Variants in CNTNAP2 observed in about 807,000 individuals in gnomAD.
CNTNAP2 encodes the protein contactin associated protein 2, also known as contactin-associated protein-like 2.
Under a neutral mutation model 155.2 loss-of-function variants are expected in CNTNAP2, and 98 were observed. The observed-to-expected ratio is 0.63, with a 90% confidence interval of 0.54 to 0.75. The LOEUF (loss-of-function observed/expected upper bound fraction) is 0.75. Among genes scored for constraint, CNTNAP2 ranks in the 30% least tolerant of loss-of-function variants. The pLI is 0.00. For synonymous variants in CNTNAP2, 651 were observed against 631.2 expected, an observed-to-expected ratio of 1.03 and a Z score of -0.47; for missense variants, 1,727 against 1,688.1, an observed-to-expected ratio of 1.02 and a Z score of -0.40.
intron 4 of CNTNAP2, among the ~76,000 whole-genome samples, chr7:147,096,195 C>T (rs1800528543): frequency 6.6e-6 from 1 of 152,176 alleles, no homozygotes; most frequent in Middle Eastern, 3.2e-3. Context: ...TATTTGACAG[C>T]TTAAAGAACT....
chr7:147,574,685 T>C (rs1800355010), intron 12 of CNTNAP2, among the ~76,000 whole-genome samples: 1 of 152,100 alleles, frequency 6.6e-6, no homozygotes, highest in Non-Finnish European at 1.5e-5. Flanking sequence ...TTGGAACCAT[T>C]TGGGGAAAGA....
intron 3 of CNTNAP2, among the ~76,000 whole-genome samples, chr7:146,861,633 A>T (rs1795103194): frequency 6.6e-6 from 1 of 152,106 alleles, no homozygotes; most frequent in African/African-American, 2.4e-5. Context: ...CTCCTAATTT[A>T]AAAACTATCA....
chr7:148,154,077 C>A (rs556392840), intron 17 of CNTNAP2, among the ~76,000 whole-genome samples: 2 of 152,214 alleles, frequency 1.3e-5, no homozygotes, highest in Non-Finnish European at 2.9e-5. Context: ...TTGGCTCTGG[C>A]CTCTTCTGAT....
chr7:148,217,546 C>T, intron 19 of CNTNAP2, 22 bp downstream of exon 19: 1 of 1,607,560 alleles, frequency 6.2e-7, no homozygotes, highest in Non-Finnish European at 8.5e-7. Context: ...GATACCCAGC[C>T]TCTGCCATTT....
intron 1 of CNTNAP2, among the ~76,000 whole-genome samples, chr7:146,755,302 T>G (rs888304085): frequency 7.2e-5 from 11 of 152,032 alleles, no homozygotes; most frequent in Non-Finnish European, 1.5e-4. Context: ...AATTATATTC[T>G]GAACAGGGAC....
chr7:146,573,685 T>C lies in CNTNAP2; in HGVS notation c.98-200586T>C, dbSNP rs1367583256. The stretch of plus-strand genomic sequence containing the variant: ...AGTGCACACAAAGAGGAGTCAGTTA[T>C]TTTTACTTATCAAGCTTGCAACAGC... On this transcript the variant is annotated intron_variant, in intron 1 of 23. Transcript: ENST00000361727. 8.5e-5 allele frequency among the ~76,000 whole-genome samples: 13 copies of C among 152,190 alleles called. 1 individual carries two copies. In the East Asian group the frequency reaches 2.3e-3, roughly 27 times the overall value.
chr7:147,858,900 A>G (rs1456225542), intron 13 of CNTNAP2, among the ~76,000 whole-genome samples: 1 of 152,156 alleles, frequency 6.6e-6, no homozygotes, highest in Non-Finnish European at 1.5e-5. Context: ...CTGTGAGAAA[A>G]TTAAGTTATT....
intron 1 of CNTNAP2, among the ~76,000 whole-genome samples, chr7:146,570,794 T>C (rs2129146051): frequency 6.6e-6 from 1 of 152,060 alleles, no homozygotes; most frequent in South Asian, 2.1e-4. Flanking sequence ...TCAGCAATGA[T>C]TAGTATTTAA....
chr7:147,482,668 C>G (rs532768715), intron 10 of CNTNAP2, among the ~76,000 whole-genome samples: 1 of 151,774 alleles, frequency 6.6e-6, no homozygotes, highest in Admixed American at 6.6e-5. Flanking sequence ...TTGCAGTGAG[C>G]CGAGATCGCG....
At chr7:147,953,628 G>C (rs1338744673) in intron 14 of CNTNAP2, among the ~76,000 whole-genome samples, 1 of 152,152 alleles carries the variant, frequency 6.6e-6, no homozygotes, top group Non-Finnish European at 1.5e-5. Context: ...TAGTATCCTA[G>C]GGCTGCAGCA....
chr7:147,855,236 G>T (rs116392068), intron 13 of CNTNAP2, among the ~76,000 whole-genome samples: 46 of 152,056 alleles, frequency 3.0e-4, no homozygotes, highest in African/African-American at 1.1e-3. Flanking sequence ...ACTAATGAAG[G>T]GGGAGAAGGA....
At chr7:147,308,257 G>T (rs916113713) in intron 9 of CNTNAP2, among the ~76,000 whole-genome samples, 2 of 152,154 alleles carry the variant, frequency 1.3e-5, no homozygotes, top group African/African-American at 4.8e-5. Context: ...GCTGAGAAAA[G>T]GTGAGGTTGG....
At chr7:147,124,822 G>GAACATCATGAAAGAACATCAA (rs1801200306) in intron 6 of CNTNAP2, among the ~76,000 whole-genome samples, 1 of 150,600 alleles carries the variant, frequency 6.6e-6, no homozygotes, top group South Asian at 2.1e-4. Flanking sequence ...AAGAAGTGAT[G>GAACATCATGAAAGAACATCAA]GAATACAAGT....
At chr7:146,718,901 C>T (rs1345625859) in intron 1 of CNTNAP2, among the ~76,000 whole-genome samples, 3 of 152,100 alleles carry the variant, frequency 2.0e-5, no homozygotes, top group African/African-American at 2.4e-5. Flanking sequence ...CATGCAACCT[C>T]GGTCTTCATG....
At chr7:148,168,645 A>T (rs1009738559) in intron 17 of CNTNAP2, among the ~76,000 whole-genome samples, 2 of 152,032 alleles carry the variant, frequency 1.3e-5, no homozygotes, top group African/African-American at 4.8e-5. Flanking sequence ...CACACCAACA[A>T]GGCACATGTA....
chr7:147,840,763 A>T (rs1043544690), intron 13 of CNTNAP2, among the ~76,000 whole-genome samples: 2 of 152,304 alleles, frequency 1.3e-5, no homozygotes, highest in South Asian at 2.1e-4. Context: ...GAAAGGGAAG[A>T]TAGAAAGGTA....
At chr7:147,187,347 A>C (rs903888955) in intron 8 of CNTNAP2, among the ~76,000 whole-genome samples, 1 of 152,160 alleles carries the variant, frequency 6.6e-6, no homozygotes, top group African/African-American at 2.4e-5. Context: ...ATGCAGGGAC[A>C]ACAGAGAATC....
chr7:147,297,431 A>T (rs1041287328), intron 8 of CNTNAP2, among the ~76,000 whole-genome samples: 6 of 152,196 alleles, frequency 3.9e-5, no homozygotes, highest in Admixed American at 3.9e-4. Context: ...AAATTTAGTA[A>T]TGAGAAACTA....
At chr7:147,937,818 A>T (rs923771189) in intron 14 of CNTNAP2, among the ~76,000 whole-genome samples, 4 of 152,222 alleles carry the variant, frequency 2.6e-5, no homozygotes, top group Admixed American at 1.3e-4. Flanking sequence ...ATTATTTCAG[A>T]AATAATCATA....
Sources: allele counts gnomAD v4.1 joint callset (sites outside exome capture counted in the v4.1 genomes callset), GRCh38; gene constraint gnomAD v4.1.1; transcripts MANE v1.5; gene names NCBI Gene and HGNC (gene_info 2026-07-23, HGNC 2026-07-21).